Variants in RASSF6 observed in about 807,000 individuals in gnomAD.
The protein encoded by RASSF6 is Ras association domain family member 6.
In RASSF6, 52 loss-of-function variants were observed where a neutral mutation model predicts 44.0. The observed-to-expected ratio is 1.18, with a 90% CI of 0.95 to 1.49. The LOEUF is 1.49. RASSF6 is among the 40% of genes most tolerant of loss of function. The probability of loss-of-function intolerance (pLI) is 0.00; values close to 1 mark genes in which losing one functional copy is unlikely to be tolerated. For missense variants in RASSF6, 464 were observed against 393.3 expected (o/e 1.18, Z -1.52); for synonymous variants, 162 against 124.6 (o/e 1.30, Z -2.00).
At chr4:73,585,949 C>T (rs1470260759) in intron 5 of RASSF6, among the ~76,000 whole-genome samples, 15 of 148,864 alleles carry the variant, frequency 1.0e-4, no homozygotes, top group African/African-American at 2.9e-4. Context: ...CGTCATTTAG[C>T]ATTAGGTATA....
intron 2 of RASSF6, among the ~76,000 whole-genome samples, chr4:73,607,384 T>G (rs1173103633): frequency 6.6e-6 from 1 of 152,172 alleles, no homozygotes; most frequent in African/African-American, 2.4e-5. Flanking sequence ...GCTCCATGGC[T>G]GTAAGGATTT....
At chr4:73,577,844 T>A (rs1723335631) in intron 8 of RASSF6, among the ~76,000 whole-genome samples, 1 of 152,200 alleles carries the variant, frequency 6.6e-6, no homozygotes, top group South Asian at 2.1e-4. Flanking sequence ...TAAAAATGCA[T>A]ATTCCTAGAG....
chr4:73,588,621 G>A (rs986047084), intron 4 of RASSF6, among the ~76,000 whole-genome samples: 19 of 151,930 alleles, frequency 1.3e-4, no homozygotes, highest in African/African-American at 4.6e-4. Flanking sequence ...CTCTGTGCCT[G>A]TGTCCTCATC....
chr4:73,608,458 G>A (rs1012041377), intron 2 of RASSF6, among the ~76,000 whole-genome samples: 11 of 152,178 alleles, frequency 7.2e-5, no homozygotes, highest in African/African-American at 1.4e-4. Context: ...TCATGATGAC[G>A]TTATTGACCC....
intron 2 of RASSF6, among the ~76,000 whole-genome samples, chr4:73,605,763 C>A (rs1283009182): frequency 6.6e-6 from 1 of 152,130 alleles, no homozygotes; most frequent in Non-Finnish European, 1.5e-5. Context: ...TCCCTTTTTT[C>A]TGCAGCCTCG....
At chr4:73,611,595 C>A (rs533747291) in intron 2 of RASSF6, 136 bp downstream of exon 2, 14 of 486,062 alleles carry the variant, frequency 2.9e-5, no homozygotes, top group African/African-American at 2.7e-4. Context: ...ACTTTTCCAA[C>A]TTCTTATCTA....
chr4:73,606,658 A>C (rs1399551478), intron 2 of RASSF6, among the ~76,000 whole-genome samples: 1 of 149,188 alleles, frequency 6.7e-6, no homozygotes, highest in African/African-American at 2.5e-5. Context: ...TTTTTTTTAA[A>C]GCCAGTTGAA....
chr4:73,617,809 T>G (rs1726455663), intron 1 of RASSF6, among the ~76,000 whole-genome samples: 2 of 152,254 alleles, frequency 1.3e-5, no homozygotes, highest in Non-Finnish European at 2.9e-5. Context: ...ACTCTCTAAC[T>G]GTAATGTGAA....
intron 1 of RASSF6, among the ~76,000 whole-genome samples, chr4:73,617,285 G>C (rs1027627913): frequency 1.3e-4 from 20 of 152,178 alleles, no homozygotes; most frequent in African/African-American, 4.3e-4. Flanking sequence ...CTGTTCTATT[G>C]CATATTTACA....
chr4:73,611,661 A>T, intron 2 of RASSF6, 70 bp downstream of exon 2: 1 of 924,318 alleles, frequency 1.1e-6, no homozygotes, highest in Non-Finnish European at 1.7e-6. Flanking sequence ...TCATGCTTAG[A>T]AAACTTTGAC....
chr4:73,582,340 G>T (rs1483603266), intron 6 of RASSF6, 50 bp from the exon 7 acceptor site: 16 of 899,940 alleles, frequency 1.8e-5, no homozygotes, highest in African/African-American at 5.2e-5. Context: ...TATATTAAGG[G>T]TATTCAATAT....
chr4:73,618,301 T>TATCTATCTATCTATCTATC (rs141840617), intron 1 of RASSF6, among the ~76,000 whole-genome samples: 2 of 150,216 alleles, frequency 1.3e-5, no homozygotes, highest in Non-Finnish European at 3.0e-5. Context: ...TATAAAGTTG[T>TATCTATCTATCTATCTATC]TATCTATCTA....
chr4:73,620,326 A>C lies in RASSF6; in HGVS notation c.-73T>G. 6.8e-7 allele frequency: 1 copy of C among 1,474,752 alleles called. No individual in the cohort carries two copies. The highest frequency in any genetic ancestry group is 9.0e-7 in the Non-Finnish European group (1 of 1,117,106). 91.4% of individuals were successfully genotyped at this position (1,474,752 alleles called of 1,614,324 possible). The stretch of plus-strand genomic sequence containing the variant: ...TGTGAGCAGGAGGACCCTTTTCACC[A>C]TCGTTGTTCGGCTGAACTTGCTTCG... On this transcript the variant is annotated 5_prime_UTR_variant, in exon 1 of 11. An upstream start codon of the reference 5' UTR is lost. Transcript: ENST00000307439.
chr4:73,605,117 T>C (rs1233021592), intron 2 of RASSF6, among the ~76,000 whole-genome samples: 1 of 152,156 alleles, frequency 6.6e-6, no homozygotes, highest in Non-Finnish European at 1.5e-5. Context: ...CTCAAACTCC[T>C]GACCTCAGAT....
At chr4:73,587,252 T>C (rs930512381) in intron 5 of RASSF6, among the ~76,000 whole-genome samples, 1 of 152,136 alleles carries the variant, frequency 6.6e-6, no homozygotes, top group Non-Finnish European at 1.5e-5. Flanking sequence ...CACACATCCC[T>C]GGAGCTGGCA....
At chr4:73,609,559 G>T (rs193130774) in intron 2 of RASSF6, among the ~76,000 whole-genome samples, 1 of 152,236 alleles carries the variant, frequency 6.6e-6, no homozygotes, top group Non-Finnish European at 1.5e-5. Context: ...CATGAAATTT[G>T]CTGAAACCAA....
chr4:73,613,691 C>G (rs1726171880), intron 1 of RASSF6, among the ~76,000 whole-genome samples: 1 of 152,130 alleles, frequency 6.6e-6, no homozygotes, highest in Non-Finnish European at 1.5e-5. Flanking sequence ...CAACATTTGA[C>G]AAGATTGATT....
At chr4:73,589,398 A>C (rs1724354736) in intron 4 of RASSF6, among the ~76,000 whole-genome samples, 1 of 152,076 alleles carries the variant, frequency 6.6e-6, no homozygotes, top group African/African-American at 2.4e-5. Flanking sequence ...TAGGAATGGA[A>C]AAGTCAATAC....
At chr4:73,589,493 A>G (rs934237481) in intron 4 of RASSF6, among the ~76,000 whole-genome samples, 2 of 152,218 alleles carry the variant, frequency 1.3e-5, no homozygotes, top group East Asian at 3.9e-4. Flanking sequence ...ATGCCAGTCA[A>G]ATTCTCGGTG....
Sources: gnomAD v4.1 joint callset for allele counts (sites outside exome capture counted in the v4.1 genomes callset) on GRCh38, gnomAD v4.1.1 for gene constraint, MANE v1.5 for transcripts, NCBI Gene and HGNC (gene_info 2026-07-23, HGNC 2026-07-21) for gene names.